The following CLPB variants were observed in gnomAD, a reference collection of about 807,000 sequenced individuals.
The protein encoded by CLPB is ClpB family mitochondrial disaggregase, also known as mitochondrial disaggregase.
A neutral mutation model predicts 78.4 loss-of-function variants in CLPB; 40 were observed. That is an observed-to-expected ratio of 0.51 (90% CI 0.40 to 0.66). The LOEUF is 0.66. CLPB is among the 30% of genes least tolerant of loss of function. The pLI is 0.00. For missense variants in CLPB, 780 were observed against 886.9 expected, an observed-to-expected ratio of 0.88 and a Z score of 1.53; for synonymous variants, 333 against 348.0, an observed-to-expected ratio of 0.96 and a Z score of 0.48.
intron 5 of CLPB, among the ~76,000 whole-genome samples, chr11:72,348,249 A>C (rs1022812106): frequency 7.9e-5 from 12 of 152,230 alleles, no homozygotes; most frequent in Admixed American, 7.2e-4. Context: ...GTACTACTCC[A>C]AATTTTTATC....
intron 5 of CLPB, chr11:72,336,874 A>T (rs1950331936): frequency 1.0e-5 from 4 of 387,908 alleles, no homozygotes; most frequent in Non-Finnish European, 1.8e-5. Flanking sequence ...GTCCACGCTC[A>T]GCTCCACTCT....
intron 5 of CLPB, among the ~76,000 whole-genome samples, chr11:72,350,898 T>G (rs1950602348): frequency 1.3e-5 from 2 of 152,248 alleles, no homozygotes; most frequent in South Asian, 4.1e-4. Flanking sequence ...AGAGGAGGTT[T>G]CTCGTATACT....
chr11:72,353,593 T>G (rs1950653745), intron 5 of CLPB, among the ~76,000 whole-genome samples: 1 of 152,178 alleles, frequency 6.6e-6, no homozygotes, highest in Non-Finnish European at 1.5e-5. Flanking sequence ...CTAAATCATG[T>G]GCAGAGCATT....
chr11:72,433,916 G>A (rs1565107530), intron 1 of CLPB, among the ~76,000 whole-genome samples, 156 bp downstream of exon 1: 12 of 152,096 alleles, frequency 7.9e-5, no homozygotes. Context: ...AGGTCTCTAG[G>A]GCAACACCCT....
intron 1 of CLPB, among the ~76,000 whole-genome samples, chr11:72,433,704 GCCCTTAAAACA>G (rs1856616038): frequency 6.6e-6 from 1 of 152,052 alleles, no homozygotes; most frequent in Admixed American, 6.6e-5. Context: ...TCTGGCGGTT[GCCCTTAAAACA>G]CCCCATAATT....
chr11:72,306,323 C>G (rs557634461), intron 9 of CLPB, among the ~76,000 whole-genome samples: 3 of 152,310 alleles, frequency 2.0e-5, no homozygotes, highest in Non-Finnish European at 4.4e-5. Flanking sequence ...GCTGGGGCCA[C>G]TTGGCTGGCA....
chr11:72,409,491 T>C (rs1395319594), intron 2 of CLPB, among the ~76,000 whole-genome samples: 3 of 151,108 alleles, frequency 2.0e-5, no homozygotes, highest in African/African-American at 7.3e-5. Context: ...GGCTGACGTA[T>C]GACAATCACT....
intron 3 of CLPB, among the ~76,000 whole-genome samples, chr11:72,391,899 T>G (rs1855263945): frequency 6.6e-6 from 1 of 152,170 alleles, no homozygotes; most frequent in Non-Finnish European, 1.5e-5. Flanking sequence ...ACACTGACCT[T>G]GATGAGCTCT....
chr11:72,404,004 C>T (rs959748874), intron 2 of CLPB, among the ~76,000 whole-genome samples: 1 of 152,166 alleles, frequency 6.6e-6, no homozygotes, highest in Non-Finnish European at 1.5e-5. Flanking sequence ...GATAAGGTAA[C>T]AGGCTCACTG....
intron 4 of CLPB, among the ~76,000 whole-genome samples, chr11:72,371,067 G>T (rs912618135): frequency 7.9e-5 from 12 of 152,148 alleles, no homozygotes; most frequent in Admixed American, 2.0e-4. Context: ...TATCTGAGTG[G>T]TTTTTTTGTT....
At chr11:72,301,166 C>T (rs1357513449) in intron 11 of CLPB, among the ~76,000 whole-genome samples, 1 of 152,160 alleles carries the variant, frequency 6.6e-6, no homozygotes, top group Non-Finnish European at 1.5e-5. Context: ...AGGTCTAGTA[C>T]ACAGAAGGTA....
intron 2 of CLPB, among the ~76,000 whole-genome samples, chr11:72,403,848 G>A (rs1855630855): frequency 6.6e-6 from 1 of 152,090 alleles, no homozygotes; most frequent in African/African-American, 2.4e-5. Context: ...CAGGACAAAA[G>A]GACCAACAAT....
intron 5 of CLPB, among the ~76,000 whole-genome samples, chr11:72,358,664 G>A (rs1950768509): frequency 6.6e-6 from 1 of 152,154 alleles, no homozygotes; most frequent in African/African-American, 2.4e-5. Flanking sequence ...CAAACCACAT[G>A]TGTGCACTGC....
intron 2 of CLPB, chr11:72,408,098 C>T: frequency 1.3e-6 from 2 of 1,531,264 alleles, no homozygotes; most frequent in Non-Finnish European, 1.7e-6. Flanking sequence ...CTCTACAAAC[C>T]TGAGGGGCCA....
At chr11:72,427,446 A>G (rs1278114132) in intron 2 of CLPB, among the ~76,000 whole-genome samples, 2 of 152,220 alleles carry the variant, frequency 1.3e-5, no homozygotes, top group South Asian at 2.1e-4. Flanking sequence ...TGCGCTACAC[A>G]ATGATGTGTT....
At chr11:72,407,302 G>A (rs1268096242) in intron 2 of CLPB, among the ~76,000 whole-genome samples, 2 of 152,206 alleles carry the variant, frequency 1.3e-5, no homozygotes, top group Non-Finnish European at 2.9e-5. Context: ...GTGTGCCTGT[G>A]TATCCCTCTT....
chr11:72,389,802 T>C (rs1348586032), intron 3 of CLPB, among the ~76,000 whole-genome samples: 1 of 152,102 alleles, frequency 6.6e-6, no homozygotes, highest in Non-Finnish European at 1.5e-5. Flanking sequence ...GGCACATGCC[T>C]GTAGTTCCAG....
At chr11:72,305,990 C>T (rs1949739821) in intron 9 of CLPB, among the ~76,000 whole-genome samples, 1 of 152,198 alleles carries the variant, frequency 6.6e-6, no homozygotes, top group Non-Finnish European at 1.5e-5. Context: ...CCCTAATAGT[C>T]CTGCTAGTTT....
rs904149462 is a variant in CLPB, at chr11:72,317,155, T to C, written c.939A>G (p.Leu313=). 5 of 1,612,544 alleles carry C rather than the reference T, an allele frequency of 3.1e-6. No homozygotes were observed. The highest frequency in any genetic ancestry group is 1.1e-5 in the South Asian group (1 of 90,846). The part of the protein sequence containing the change: ...ERRRFPLEQR[L]KEHIIGQESA... ...TCTCCTGGCCAATGATGTGCTCCTT[T>C]AGTCGCTGCTCCAGGGGGAAGCGGC... The change falls in exon 7 of 16, where the codon CTA becomes CTG. Residue 313 remains leucine, a synonymous_variant. Coordinates refer to ENST00000538039, the MANE Select transcript of CLPB (RefSeq NM_001258392.3).
Sources: gnomAD v4.1 joint callset for allele counts (sites outside exome capture counted in the v4.1 genomes callset) on GRCh38, gnomAD v4.1.1 for gene constraint, MANE v1.5 for transcripts, NCBI Gene and HGNC (gene_info 2026-07-23, HGNC 2026-07-21) for gene names.